TCF4: variants seen among roughly 807,000 people sequenced by gnomAD.
TCF4 encodes the protein SL3-3 enhancer factor 2.
A neutral mutation model predicts 82.1 loss-of-function variants in TCF4; 3 were observed. The observed-to-expected ratio is 0.04, with a 90% CI of 0.02 to 0.09. The LOEUF (loss-of-function observed/expected upper bound fraction) is 0.09, where lower values mean the gene tolerates loss of function less well. TCF4 is among the 10% of genes least tolerant of loss of function. The pLI is 1.00. For synonymous variants in TCF4, 276 were observed against 309.6 expected (o/e 0.89, Z 1.14); for missense variants, 518 against 852.7 (o/e 0.61, Z 4.89).
At chr18:55,345,375 TTC>T (rs1377592133) in intron 8 of TCF4, among the ~76,000 whole-genome samples, 1 of 152,054 alleles carries the variant, frequency 6.6e-6, no homozygotes, top group Non-Finnish European at 1.5e-5. Context: ...CAAAAATACT[TTC>T]TCTGTCATGA....
In TCF4 at chr18:55,449,224, T is replaced by C. The variant is rs916612274; in HGVS notation, c.304+11795A>G. Among the ~76,000 whole-genome samples, 5 of 152,184 alleles carry C rather than the reference T, an allele frequency of 3.3e-5. No individual in the cohort carries two copies. In the South Asian group the frequency reaches 1.0e-3, roughly 31 times the overall value. ...AGGTTGGGTTTTTTTTTCCTGGTTT[T>C]TCTCTAGCTAACAGGGATCATCCAC... On this transcript the variant is annotated intron_variant, in intron 5 of 19. Coordinates refer to ENST00000354452, the MANE Select transcript of TCF4 (RefSeq NM_001083962.2).
chr18:55,383,315 A>G (rs1408155505), intron 6 of TCF4, among the ~76,000 whole-genome samples: 2 of 152,222 alleles, frequency 1.3e-5, no homozygotes, highest in Non-Finnish European at 2.9e-5. Context: ...CAAAGCAAAG[A>G]AAGAGTAAAA....
At chr18:55,330,832 G>A (rs2077445998) in intron 8 of TCF4, among the ~76,000 whole-genome samples, 1 of 152,176 alleles carries the variant, frequency 6.6e-6, no homozygotes, top group African/African-American at 2.4e-5. Flanking sequence ...CTCCCAAAGT[G>A]CTAGAATTAC....
At chr18:55,355,137 T>C (rs898064730) in intron 6 of TCF4, among the ~76,000 whole-genome samples, 5 of 152,176 alleles carry the variant, frequency 3.3e-5, no homozygotes, top group African/African-American at 9.7e-5. Flanking sequence ...GTGAACTGAC[T>C]CTATAAAGCC....
rs56965997 is a variant in TCF4 at position 55,390,286 on chromosome 18, TA to T, written c.369+13167del. On this transcript the variant is annotated intron_variant, in intron 6 of 19. Transcript: ENST00000354452. The stretch of plus-strand genomic sequence containing the variant: ...GGCAACACAGCAGGACCCTGACTCT[TA>T]AAAAAAAAAAAAAAAAAAAAAAAGA... Among the ~76,000 whole-genome samples the T allele has an allele frequency of 8.8e-3, 725 of 82,214 alleles. 2 individuals are homozygous for T. Among genetic ancestry groups the T allele is most frequent in the African/African-American group, 0.018 (354 of 19,576 alleles). 53.9% of individuals were successfully genotyped at this position (82,214 alleles called of 152,430 possible). A position where few individuals can be genotyped will look rare whatever the true frequency, so the allele number is the denominator to read the frequency against.
At chr18:55,296,330 T>C (rs750918982) in intron 8 of TCF4, among the ~76,000 whole-genome samples, 20 of 152,214 alleles carry the variant, frequency 1.3e-4, no homozygotes, top group Non-Finnish European at 2.4e-4. Context: ...GTTCTGCTCC[T>C]GTACTTAAAG....
chr18:55,479,893 C>T (rs1008679363), intron 3 of TCF4, among the ~76,000 whole-genome samples: 3 of 152,158 alleles, frequency 2.0e-5, no homozygotes, highest in Admixed American at 1.3e-4. Context: ...AGCAAACATA[C>T]GCAGTTAGAG....
At chr18:55,409,832 A>G (rs2094269778) in intron 5 of TCF4, among the ~76,000 whole-genome samples, 2 of 152,174 alleles carry the variant, frequency 1.3e-5, no homozygotes, top group Admixed American at 1.3e-4. Context: ...TAGCTAGTCA[A>G]CTTTACTCCT....
intron 5 of TCF4, among the ~76,000 whole-genome samples, chr18:55,409,545 G>A (rs1414103553): frequency 6.6e-6 from 1 of 151,960 alleles, no homozygotes; most frequent in Admixed American, 6.6e-5. Context: ...AAACTGACTT[G>A]AGCATACATG....
At chr18:55,316,424 C>A (rs565653569) in intron 8 of TCF4, among the ~76,000 whole-genome samples, 1 of 152,052 alleles carries the variant, frequency 6.6e-6, no homozygotes, top group African/African-American at 2.4e-5. Flanking sequence ...TAGACTGCAG[C>A]ATTGTTTTTC....
intron 6 of TCF4, among the ~76,000 whole-genome samples, chr18:55,387,307 C>T (rs1211406150): frequency 6.6e-6 from 1 of 152,232 alleles, no homozygotes; most frequent in Non-Finnish European, 1.5e-5. Context: ...TTGGGTCTAA[C>T]CAGAACAAGG....
At chr18:55,607,358 T>G (rs936978047) in intron 2 of TCF4, among the ~76,000 whole-genome samples, 1 of 152,156 alleles carries the variant, frequency 6.6e-6, no homozygotes, top group Non-Finnish European at 1.5e-5. Flanking sequence ...AGATAAATTT[T>G]CCAACAAATT....
At chr18:55,521,519 G>A (rs145979326) in intron 3 of TCF4, among the ~76,000 whole-genome samples, 7 of 152,086 alleles carry the variant, frequency 4.6e-5, no homozygotes, top group Non-Finnish European at 7.4e-5. Context: ...TACATTATAC[G>A]TTATCCTCCC....
At chr18:55,430,075 A>G (rs568829189) in intron 5 of TCF4, among the ~76,000 whole-genome samples, 2 of 152,296 alleles carry the variant, frequency 1.3e-5, no homozygotes, top group African/African-American at 4.8e-5. Flanking sequence ...TAAATATAAT[A>G]TTAATATTAG....
At chr18:55,350,242 T>C (rs967316716) in intron 8 of TCF4, 117 bp downstream of exon 8, 2 of 1,088,110 alleles carry the variant, frequency 1.8e-6, no homozygotes, top group Non-Finnish European at 2.8e-6. Flanking sequence ...CTCATCCACC[T>C]TCTAGATAAA....
chr18:55,547,255 G>A (rs985808958), intron 3 of TCF4, among the ~76,000 whole-genome samples: 5 of 152,108 alleles, frequency 3.3e-5, no homozygotes, highest in Non-Finnish European at 7.4e-5. Context: ...AAAACATGAT[G>A]GCATAAAATA....
intron 2 of TCF4, among the ~76,000 whole-genome samples, chr18:55,629,981 A>G (rs2097730061): frequency 6.6e-6 from 1 of 152,150 alleles, no homozygotes; most frequent in South Asian, 2.1e-4. Context: ...CCCTTGGCTC[A>G]TGTATCATTC....
intron 6 of TCF4, among the ~76,000 whole-genome samples, chr18:55,395,938 C>T (rs2093462895): frequency 6.6e-6 from 1 of 152,004 alleles, no homozygotes; most frequent in African/African-American, 2.4e-5. Context: ...TTTTTTCCCC[C>T]CCTTAAGGCT....
chr18:55,262,931 T>C (rs1164838899), intron 11 of TCF4, among the ~76,000 whole-genome samples: 2 of 151,996 alleles, frequency 1.3e-5, no homozygotes. Flanking sequence ...CTCAGCCTCC[T>C]GAGTAGCTAG....
Sources: allele counts gnomAD v4.1 joint callset (sites outside exome capture counted in the v4.1 genomes callset), GRCh38; gene constraint gnomAD v4.1.1; transcripts MANE v1.5; gene names NCBI Gene and HGNC (gene_info 2026-07-23, HGNC 2026-07-21).